TMEM26: variants seen among roughly 807,000 people sequenced by gnomAD.
TMEM26 encodes transmembrane protein 26.
A neutral mutation model predicts 28.8 loss-of-function variants in TMEM26; 38 were observed. The observed-to-expected ratio is 1.32, with a 90% CI of 1.02 to 1.73. The LOEUF is 1.73. Ranked by LOEUF, TMEM26 falls within the 40% of genes most tolerant of loss-of-function variation. TMEM26 has a pLI of 0.00. For synonymous variants in TMEM26, 227 were observed against 182.9 expected, an observed-to-expected ratio of 1.24 and a Z score of -1.95; for missense variants, 518 against 447.1, an observed-to-expected ratio of 1.16 and a Z score of -1.43.
chr10:61,431,941 A>G (rs1839930008), intron 2 of TMEM26, among the ~76,000 whole-genome samples: 1 of 151,812 alleles, frequency 6.6e-6, no homozygotes, highest in African/African-American at 2.4e-5. Context: ...GTCCATGTGT[A>G]TTCAGTTTTT....
At chr10:61,422,006 G>C (rs1839757427) in intron 4 of TMEM26, among the ~76,000 whole-genome samples, 2 of 152,026 alleles carry the variant, frequency 1.3e-5, no homozygotes, top group African/African-American at 4.8e-5. Flanking sequence ...AAGAAAGCTG[G>C]AGTGCCTATA....
Position 61,410,668 on chromosome 10 carries a change from A to C in TMEM26, c.761T>G (p.Leu254Arg). The change falls in exon 6 of 6, where the codon CTG becomes CGG. Residue 254 changes from leucine to arginine, a missense_variant. Coordinates refer to ENST00000399298, the MANE Select transcript of TMEM26 (RefSeq NM_178505.8). ...SLFFCQYSAD[L>R]WNIGISVFIQ... ...GAAGACGCTGATTCCGATGTTCCAC[A>C]GATCGGCACTGTACTGGCAAAAGAA... is the stretch of plus-strand genomic sequence containing the variant. 1 of 1,614,198 alleles carries C rather than the reference A, an allele frequency of 6.2e-7. No individual in the cohort carries two copies. Among genetic ancestry groups the C allele is most frequent in the South Asian group, 1.1e-5 (1 of 91,072 alleles).
chr10:61,448,834 T>G (rs1211725302), intron 1 of TMEM26, among the ~76,000 whole-genome samples: 6 of 152,188 alleles, frequency 3.9e-5, no homozygotes, highest in African/African-American at 7.2e-5. Context: ...AACTCAGTGC[T>G]TAAAATTGTA....
At chr10:61,450,299 A>T (rs990698114) in intron 1 of TMEM26, among the ~76,000 whole-genome samples, 4 of 152,166 alleles carry the variant, frequency 2.6e-5, no homozygotes, top group African/African-American at 9.6e-5. Context: ...AGATTTTCGA[A>T]TGGAAATTTT....
In TMEM26 at chr10:61,410,658, G is replaced by T. The variant is rs770018619; in HGVS notation, c.771C>A (p.Ile257=). Residue 257 remains isoleucine (I), a synonymous_variant, in exon 6 of 6, where the codon ATC becomes ATA. Coordinates refer to ENST00000399298, the MANE Select transcript of TMEM26 (RefSeq NM_178505.8). The part of the protein sequence containing the change: ...FCQYSADLWN[I]GISVFIQDGP... ...CATCTTGTATGAAGACGCTGATTCC[G>T]ATGTTCCACAGATCGGCACTGTACT... The T allele has an allele frequency of 2.5e-6, 4 of 1,614,010 alleles. No individual in the cohort carries two copies. Among genetic ancestry groups the T allele is most frequent in the African/African-American group, 1.3e-5 (1 of 74,906 alleles).
chr10:61,445,276 A>G (rs1352078612), intron 1 of TMEM26, among the ~76,000 whole-genome samples: 2 of 152,218 alleles, frequency 1.3e-5, no homozygotes, highest in Non-Finnish European at 2.9e-5. Context: ...TTTTGAGGCT[A>G]TTTCAGGTAG....
rs774186292 is a variant in TMEM26, at chr10:61,428,920, G to A, written c.605+6C>T. 1.1e-5 allele frequency: 17 copies of A among 1,611,940 alleles called. No homozygotes were observed. Among genetic ancestry groups the A allele is most frequent in the Non-Finnish European group, 1.4e-5 (16 of 1,178,556 alleles). ...ACAAGGTGTTTTTGCTGCAAGGAAT[G>A]CTCACCTCACATTTTGTTCTTCTAG... On this transcript the variant is annotated splice_donor_region_variant and intron_variant, in intron 4 of 5. Transcript: ENST00000399298.
chr10:61,428,159 A>G (rs1390250071), intron 4 of TMEM26, among the ~76,000 whole-genome samples: 1 of 152,110 alleles, frequency 6.6e-6, no homozygotes, highest in Non-Finnish European at 1.5e-5. Context: ...GTAGCATTAA[A>G]AGCCAGACTC....
chr10:61,436,824 G>A (rs957608530), intron 1 of TMEM26, among the ~76,000 whole-genome samples: 8 of 152,100 alleles, frequency 5.3e-5, no homozygotes, highest in African/African-American at 1.9e-4. Flanking sequence ...TAAGCCTTTG[G>A]TATTTTTTTT....
chr10:61,435,361 G>T (rs541885160), intron 2 of TMEM26, among the ~76,000 whole-genome samples: 3 of 151,942 alleles, frequency 2.0e-5, no homozygotes, highest in Non-Finnish European at 2.9e-5. Context: ...TTGTATTTTC[G>T]GTAGATACAG....
At chr10:61,426,210 A>G (rs1387207981) in intron 4 of TMEM26, among the ~76,000 whole-genome samples, 1 of 152,152 alleles carries the variant, frequency 6.6e-6, no homozygotes, top group African/African-American at 2.4e-5. Context: ...AAATTCCATG[A>G]AATTTCTAGG....
At chr10:61,449,821 T>C (rs2135340679) in intron 1 of TMEM26, among the ~76,000 whole-genome samples, 1 of 152,228 alleles carries the variant, frequency 6.6e-6, no homozygotes, top group South Asian at 2.1e-4. Flanking sequence ...CCTCCTTTGC[T>C]CCTCATTTCA....
intron 3 of TMEM26, 139 bp from the exon 4 acceptor site, chr10:61,429,285 A>T: frequency 1.5e-6 from 1 of 680,482 alleles, no homozygotes; most frequent in South Asian, 1.9e-5. Context: ...TACTAAAGAA[A>T]GTAAAATGCC....
intron 1 of TMEM26, among the ~76,000 whole-genome samples, chr10:61,440,122 C>T (rs1184518633): frequency 6.6e-6 from 1 of 151,978 alleles, no homozygotes; most frequent in African/African-American, 2.4e-5. Flanking sequence ...CACCTGTAAT[C>T]CCAGGTACTC....
chr10:61,433,511 T>C (rs917851698), intron 2 of TMEM26, among the ~76,000 whole-genome samples: 1 of 152,182 alleles, frequency 6.6e-6, no homozygotes. Context: ...CCAGAATATT[T>C]CCACTACTTT....
Position 61,453,168 on chromosome 10 carries a change from T to A in TMEM26, c.-87A>T, listed in dbSNP as rs1294382815. On this transcript the variant is annotated 5_prime_UTR_variant, in exon 1 of 6. Coordinates refer to ENST00000399298, the MANE Select transcript of TMEM26 (RefSeq NM_178505.8). ...CCCGGAGCCCACCGGTGAGCAGGAA[T>A]ATGACAAGCACTGAGACCTGCTGCT... 1.4e-6 allele frequency: 2 copies of A among 1,412,450 alleles called. No individual in the cohort carries two copies. Among genetic ancestry groups the A allele is most frequent in the Non-Finnish European group, 1.9e-6 (2 of 1,029,476 alleles). 87.5% of individuals were successfully genotyped at this position (1,412,450 alleles called of 1,614,324 possible). A position where few individuals can be genotyped will look rare whatever the true frequency, so the allele number is the denominator to read the frequency against.
intron 4 of TMEM26, chr10:61,414,940 C>T (rs1176921032): frequency 2.1e-6 from 2 of 971,870 alleles, no homozygotes; most frequent in African/African-American, 3.5e-5. Context: ...GGTGTGAATA[C>T]TGTTAGGTGG....
At chr10:61,420,306 A>C (rs1425714720) in intron 4 of TMEM26, among the ~76,000 whole-genome samples, 1 of 152,146 alleles carries the variant, frequency 6.6e-6, no homozygotes, top group African/African-American at 2.4e-5. Flanking sequence ...AGAACGAGAA[A>C]GAACAGGAGA....
rs369128678 is a variant in TMEM26 at position 61,410,532 on chromosome 10, C to T, written c.897G>A (p.Leu299=). ...CCAGCACCACCAAGCGGTAGAGTTGCAACACCACCACGAGGAAGTTCTTCG... is the reference window on the plus strand; with the variant it reads ...CCAGCACCACCAAGCGGTAGAGTTGTAACACCACCACGAGGAAGTTCTTCG... ...FAAKNFLVVV[L]QLYRLVVLAL... is the part of the protein sequence containing the mutation. The change falls in exon 6 of 6, where the codon TTG becomes TTA. Residue 299 remains leucine (L), a synonymous_variant. Coordinates refer to ENST00000399298, the MANE Select transcript of TMEM26 (RefSeq NM_178505.8). 1.2e-6 allele frequency: 2 copies of T among 1,614,126 alleles called. No individual in the cohort carries two copies. Among genetic ancestry groups the T allele is most frequent in the African/African-American group, 1.3e-5 (1 of 75,038 alleles).
Sources: allele counts gnomAD v4.1 joint callset (sites outside exome capture counted in the v4.1 genomes callset), GRCh38; gene constraint gnomAD v4.1.1; transcripts MANE v1.5; gene names NCBI Gene and HGNC (gene_info 2026-07-23, HGNC 2026-07-21).